CNTLN: variants seen among roughly 807,000 people sequenced by gnomAD.
CNTLN encodes the protein centlein.
A neutral mutation model predicts 180.0 loss-of-function variants in CNTLN; 212 were observed. The observed-to-expected ratio is 1.18, with a 90% CI of 1.05 to 1.32. The LOEUF (loss-of-function observed/expected upper bound fraction) is 1.32. Among genes scored for constraint, CNTLN ranks in the 40% most tolerant of loss-of-function variants. The pLI, the probability that CNTLN is intolerant of heterozygous loss-of-function variation, is 0.00. For synonymous variants in CNTLN, 722 were observed against 563.1 expected, an observed-to-expected ratio of 1.28 and a Z score of -3.99; for missense variants, 2,095 against 1,610.9, an observed-to-expected ratio of 1.30 and a Z score of -5.14.
intron 16 of CNTLN, 100 bp from the exon 17 acceptor site, chr9:17,415,688 A>G (rs1039159462): frequency 3.6e-6 from 3 of 824,242 alleles, no homozygotes; most frequent in Non-Finnish European, 3.9e-6. Flanking sequence ...AATTCTGCAT[A>G]AACAATTGTA....
intron 2 of CNTLN, among the ~76,000 whole-genome samples, chr9:17,213,771 T>G (rs991727994): frequency 6.6e-6 from 1 of 152,182 alleles, no homozygotes; most frequent in African/African-American, 2.4e-5. Context: ...TTAGGATAGT[T>G]AGCTCTTCTT....
At chr9:17,283,690 T>G (rs906414757) in intron 6 of CNTLN, among the ~76,000 whole-genome samples, 19 of 152,256 alleles carry the variant, frequency 1.2e-4, no homozygotes, top group Middle Eastern at 3.4e-3. Context: ...TCAAGGGAAA[T>G]GTTTCCAGCT....
At chr9:17,449,970 G>A (rs1390991297) in intron 18 of CNTLN, among the ~76,000 whole-genome samples, 1 of 152,150 alleles carries the variant, frequency 6.6e-6, no homozygotes, top group Non-Finnish European at 1.5e-5. Context: ...TTTTCATTTT[G>A]AGAAATATTT....
intron 12 of CNTLN, among the ~76,000 whole-genome samples, chr9:17,360,722 G>T (rs1026848466): frequency 6.6e-6 from 1 of 152,132 alleles, no homozygotes; most frequent in Non-Finnish European, 1.5e-5. Flanking sequence ...TTGGGATTTT[G>T]CAGACGTCCT....
chr9:17,351,601 T>G (rs1302711349), intron 12 of CNTLN, among the ~76,000 whole-genome samples: 1 of 152,198 alleles, frequency 6.6e-6, no homozygotes, highest in Non-Finnish European at 1.5e-5. Context: ...ATACTAAGCC[T>G]TAATATTTCA....
intron 5 of CNTLN, among the ~76,000 whole-genome samples, chr9:17,238,795 T>C (rs566038940): frequency 6.6e-6 from 1 of 152,332 alleles, no homozygotes; most frequent in South Asian, 2.1e-4. Context: ...TTTTATTTCC[T>C]ACATGTATAT....
intron 6 of CNTLN, among the ~76,000 whole-genome samples, chr9:17,296,616 G>A (rs1199348300): frequency 1.3e-5 from 2 of 151,994 alleles, no homozygotes; most frequent in Admixed American, 6.6e-5. Flanking sequence ...AATGTTATTA[G>A]TGAAAAATGG....
chr9:17,247,834 CTTTT>C (rs1217713916), intron 5 of CNTLN, among the ~76,000 whole-genome samples: 3 of 95,520 alleles, frequency 3.1e-5, no homozygotes, highest in Non-Finnish European at 2.2e-5. Flanking sequence ...TCTGTTCTTT[CTTTT>C]TTTTTTTTTT....
intron 12 of CNTLN, among the ~76,000 whole-genome samples, chr9:17,344,647 A>C (rs1821736128): frequency 6.6e-6 from 1 of 152,188 alleles, no homozygotes; most frequent in African/African-American, 2.4e-5. Context: ...TAAATGTCAA[A>C]AATGTTAAAA....
intron 5 of CNTLN, among the ~76,000 whole-genome samples, chr9:17,253,116 TTCA>T (rs1316240410): frequency 6.6e-6 from 1 of 151,818 alleles, no homozygotes; most frequent in Non-Finnish European, 1.5e-5. Flanking sequence ...TATATTTTGT[TTCA>T]TTGGTCTATG....
chr9:17,409,362 T>C lies in CNTLN; in HGVS notation c.2685T>C (p.Ser895=). Residue 895 remains serine (S), a synonymous_variant, in exon 16 of 26, where the codon AGT becomes AGC. Coordinates refer to ENST00000380647, the MANE Select transcript of CNTLN (RefSeq NM_017738.4). ...TTGTAGAAACATCCCAGAAAATAAG[T>C]CCTACGGAAGATGGAAAAGACCAGA... The part of the protein sequence containing the change: ...TIIVETSQKI[S]PTEDGKDQKE... 6.2e-7 allele frequency: 1 copy of C among 1,613,220 alleles called. No individual in the cohort carries two copies. The highest frequency in any genetic ancestry group is 8.5e-7 in the Non-Finnish European group (1 of 1,179,624).
Position 17,457,562 on chromosome 9 carries a change from A to G in CNTLN, c.3153A>G (p.Lys1051=). 1 of 1,523,830 alleles carries G rather than the reference A, an allele frequency of 6.6e-7. No homozygotes were observed. The highest frequency in any genetic ancestry group is 8.8e-7 in the Non-Finnish European group (1 of 1,133,690). The allele number at this position is 1,523,830 out of a possible 1,614,324, so 94.4% of individuals were successfully genotyped here. ...NLDLAGLRKE[K]EDLLKKLESS... Reference sequence around the variant, plus strand: ...ATTTGGCTGGGCTTCGGAAAGAAAAAGAAGATTTACTAAAGAAATTGGAGT... The same window carrying G: ...ATTTGGCTGGGCTTCGGAAAGAAAAGGAAGATTTACTAAAGAAATTGGAGT... The change falls in exon 19 of 26, where the codon AAA becomes AAG. Residue 1051 remains lysine (K), a synonymous_variant. Transcript: ENST00000380647.
the CNTLN span, among the ~76,000 whole-genome samples, chr9:17,520,965 A>C: frequency 6.6e-6 from 1 of 152,204 alleles, no homozygotes; most frequent in Non-Finnish European, 1.5e-5. Flanking sequence ...AACGTAATTC[A>C]GGTCTGAAGC....
chr9:17,268,940 C>T (rs890372864), intron 5 of CNTLN, among the ~76,000 whole-genome samples: 1 of 151,970 alleles, frequency 6.6e-6, no homozygotes, highest in Non-Finnish European at 1.5e-5. Flanking sequence ...TGTCTGTCAC[C>T]CCTTTCTTTG....
At chr9:17,229,318 A>C (rs1824668136) in intron 3 of CNTLN, among the ~76,000 whole-genome samples, 1 of 152,128 alleles carries the variant, frequency 6.6e-6, no homozygotes, top group Non-Finnish European at 1.5e-5. Context: ...AAAGCAATAC[A>C]ACAGGGATGG....
intron 2 of CNTLN, 42 bp downstream of exon 2, chr9:17,143,418 G>T: frequency 7.0e-7 from 1 of 1,422,328 alleles, no homozygotes; most frequent in South Asian, 1.2e-5. Flanking sequence ...TTGGTGTGTT[G>T]AGTTTGTTTC....
At chr9:17,235,936 C>A in intron 4 of CNTLN, 144 bp downstream of exon 4, 1 of 671,056 alleles carries the variant, frequency 1.5e-6, no homozygotes. Flanking sequence ...TTCTCACATG[C>A]AAAAACTCTG....
At chr9:17,320,403 T>TC (rs2133033191) in intron 8 of CNTLN, among the ~76,000 whole-genome samples, 1 of 152,086 alleles carries the variant, frequency 6.6e-6, no homozygotes, top group African/African-American at 2.4e-5. Context: ...TCTTTTTTTT[T>TC]CCATGAAGAT....
At chr9:17,493,176 A>T (rs1833260628) in intron 25 of CNTLN, among the ~76,000 whole-genome samples, 1 of 152,178 alleles carries the variant, frequency 6.6e-6, no homozygotes, top group African/African-American at 2.4e-5. Flanking sequence ...AACAACATGA[A>T]TGTAATTAAT....
Sources: gnomAD v4.1 joint callset for allele counts (sites outside exome capture counted in the v4.1 genomes callset) on GRCh38, gnomAD v4.1.1 for gene constraint, MANE v1.5 for transcripts, NCBI Gene and HGNC (gene_info 2026-07-23, HGNC 2026-07-21) for gene names.